Variants in EDC3 observed in about 807,000 individuals in gnomAD.
The protein encoded by EDC3 is enhancer of mRNA-decapping protein 3.
Under a neutral mutation model 41.8 loss-of-function variants are expected in EDC3, and 20 were observed. That is an observed-to-expected ratio of 0.48 (90% CI 0.34 to 0.70). The LOEUF (loss-of-function observed/expected upper bound fraction) is 0.70, where lower values mean the gene tolerates loss of function less well. Ranked by LOEUF, EDC3 falls within the 30% of genes least tolerant of loss-of-function variation. EDC3 has a pLI of 0.01. For missense variants in EDC3, 444 were observed against 636.8 expected (o/e 0.70, Z 3.26); for synonymous variants, 206 against 243.2 (o/e 0.85, Z 1.42).
At chr15:74,636,700 T>G (rs2062277764) in intron 5 of EDC3, 1 of 152,242 alleles carries the variant, frequency 6.6e-6, no homozygotes, top group South Asian at 2.1e-4. Flanking sequence ...AGGAGCTTCA[T>G]AACTGCCCCC....
rs2062264550 is a variant in EDC3 at position 74,635,709 on chromosome 15, C to T, written c.975-83G>A. 6 of 1,279,418 alleles carry T rather than the reference C, an allele frequency of 4.7e-6. No homozygotes were observed. The Admixed American group carries it at 1.2e-4, about 27-fold the overall frequency. The allele number at this position is 1,279,418 out of a possible 1,614,324, so 79.3% of individuals were successfully genotyped here. ...TATACCAGACAATTGCCTGTAGCAC[C>T]TATTGGTCTCAGATCTCTTACCCAC... On this transcript the variant is annotated intron_variant, in intron 5 of 6. Transcript: ENST00000315127.
intron 4 of EDC3, 38 bp downstream of exon 4, chr15:74,655,695 A>C (rs1191703631): frequency 1.9e-6 from 3 of 1,556,630 alleles, no homozygotes; most frequent in Non-Finnish European, 1.7e-6. Flanking sequence ...TAGAAAGGCA[A>C]CAGCAACCAG....
intron 4 of EDC3, among the ~76,000 whole-genome samples, chr15:74,650,852 G>T (rs948901532): frequency 1.3e-5 from 2 of 152,196 alleles, no homozygotes; most frequent in South Asian, 4.2e-4. Context: ...ACAAAAATTT[G>T]CCAGGTGTGG....
Position 74,671,186 on chromosome 15 carries a change from A to AGTAACGTTC in EDC3, c.484+268_484+269insGAACGTTAC, listed in dbSNP as rs2062733866. ...CAGTAGTTCCTGGATTTAAAACATC[A>AGTAACGTTC]CTGTTAGTAAACTCTGGGCAGACTT... On this transcript the variant is annotated intron_variant, in intron 3 of 6. Transcript: ENST00000315127. This position sits in a 1 kb window ranked among gnomAD's most constrained non-coding sequence, Gnocchi z 4.6. Among the ~76,000 whole-genome samples, 1 of 152,170 alleles carries AGTAACGTTC rather than the reference A, an allele frequency of 6.6e-6. No homozygotes were observed.
chr15:74,644,992 C>T (rs1378649254), intron 4 of EDC3: 1 of 152,124 alleles, frequency 6.6e-6, no homozygotes, highest in Admixed American at 6.6e-5. Flanking sequence ...AAAGACACAG[C>T]CCTACCAAAA....
intron 1 of EDC3, among the ~76,000 whole-genome samples, chr15:74,678,817 G>C (rs965968729): frequency 6.6e-6 from 1 of 151,642 alleles, no homozygotes; most frequent in African/African-American, 2.4e-5. Context: ...TTGAAATGGG[G>C]AGGTGGAGGT....
At chr15:74,654,753 G>C (rs1434233557) in intron 4 of EDC3, among the ~76,000 whole-genome samples, 1 of 150,526 alleles carries the variant, frequency 6.6e-6, no homozygotes, top group East Asian at 1.9e-4. Flanking sequence ...ACTATACTCA[G>C]CGAAACCAAA....
chr15:74,656,147 T>G, intron 3 of EDC3, 79 bp from the exon 4 acceptor site: 1 of 1,332,136 alleles, frequency 7.5e-7, no homozygotes, highest in Non-Finnish European at 1.0e-6. Flanking sequence ...TAGTCTTTTG[T>G]GGAGAGTGTT....
At chr15:74,694,670 C>T (rs2063045440) in intron 1 of EDC3, among the ~76,000 whole-genome samples, 1 of 152,154 alleles carries the variant, frequency 6.6e-6, no homozygotes. Flanking sequence ...TGAGTTGCAA[C>T]CAATATTTTT....
At chr15:74,656,444 C>CACA (rs2062549838) in intron 3 of EDC3, among the ~76,000 whole-genome samples, 1 of 147,408 alleles carries the variant, frequency 6.8e-6, no homozygotes, top group African/African-American at 2.5e-5. Context: ...CACACACAAA[C>CACA]AACAACAAAT....
At chr15:74,666,057 G>C (rs973714739) in intron 3 of EDC3, among the ~76,000 whole-genome samples, 2 of 151,864 alleles carry the variant, frequency 1.3e-5, no homozygotes, top group South Asian at 2.1e-4. Context: ...CCCAGCCTCC[G>C]AAAGTGTTAA....
In EDC3 at chr15:74,688,673, C is replaced by G. The variant is rs756330265; in HGVS notation, c.-19+7207G>C. Among the ~76,000 whole-genome samples the G allele has an allele frequency of 4.9e-4, 75 of 152,068 alleles. 1 individual carries two copies. Among genetic ancestry groups the G allele is most frequent in the African/African-American group, 1.7e-3 (71 of 41,498 alleles). ...GTAATCCCAGCACTTTGGGAGGCCA[C>G]GGCGGGTGGATCACTTGAGGTCAAG... On this transcript the variant is annotated intron_variant, in intron 1 of 6. Coordinates refer to ENST00000315127, the MANE Select transcript of EDC3 (RefSeq NM_025083.5).
chr15:74,685,792 T>C (rs1224443889), intron 1 of EDC3, among the ~76,000 whole-genome samples: 3 of 152,104 alleles, frequency 2.0e-5, no homozygotes, highest in Non-Finnish European at 4.4e-5. Flanking sequence ...GAAACACTGG[T>C]TCAGTGTTTT....
intron 2 of EDC3, among the ~76,000 whole-genome samples, chr15:74,672,443 G>A (rs1245368703): frequency 2.0e-5 from 3 of 152,022 alleles, no homozygotes; most frequent in African/African-American, 7.2e-5. Context: ...TTTTGATCTG[G>A]TATATAGAGA....
intron 3 of EDC3, among the ~76,000 whole-genome samples, chr15:74,666,831 A>C (rs1195129150): frequency 6.6e-6 from 1 of 152,210 alleles, no homozygotes; most frequent in East Asian, 1.9e-4. Flanking sequence ...AGTGAGCCTT[A>C]GTGTTTGCAA....
intron 2 of EDC3, 160 bp downstream of exon 2, chr15:74,674,801 G>T: frequency 2.6e-6 from 2 of 784,156 alleles, no homozygotes; most frequent in Non-Finnish European, 4.1e-6. Flanking sequence ...GATTACTTGA[G>T]GCCAGTAGTT....
chr15:74,632,299 A>T lies in EDC3; in HGVS notation c.*313T>A, dbSNP rs916338855. The T allele has an allele frequency of 5.6e-6, 2 of 357,320 alleles. No homozygotes were observed. The highest frequency in any genetic ancestry group is 4.1e-5 in the African/African-American group (2 of 48,318). The allele number at this position is 357,320 out of a possible 1,614,324, so 22.1% of individuals were successfully genotyped here. A position where few individuals can be genotyped will look rare whatever the true frequency, so the allele number is the denominator to read the frequency against. On this transcript the variant is annotated 3_prime_UTR_variant, in exon 7 of 7. Transcript: ENST00000315127. This position sits in a 1 kb window ranked among gnomAD's most constrained non-coding sequence, Gnocchi z 4.0. ...GTGTGTGCCCAGGCCCAGTGGCTGT[A>T]AACCTGAAACACAGTCTTGAGAGCT... is the stretch of plus-strand genomic sequence containing the variant.
Position 74,675,020 on chromosome 15 carries a change from A to C in EDC3, c.105T>G (p.Ile35Met). Residue 35 changes from isoleucine (I) to methionine (M), a missense_variant, in exon 2 of 7, where the codon ATT (isoleucine) becomes ATG (methionine). Physicochemically the swap from Ile to Met is conservative, Grantham distance 10. Around this residue, in one of 3 missense-constraint regions of EDC3, gnomAD observed 200 missense variants for 244.0 expected, o/e 0.82. Coordinates refer to ENST00000315127, the MANE Select transcript of EDC3 (RefSeq NM_025083.5). Reference sequence around the variant, plus strand: ...CATTATGGAAAGGCCGGGTGAGAGAAATGGTCTGGCTGACCTGATCCACAG... The same window carrying C: ...CATTATGGAAAGGCCGGGTGAGAGACATGGTCTGGCTGACCTGATCCACAG... ...VSAVDQVSQT[I>M]SLTRPFHNGV... 2 of 1,614,160 alleles carry C rather than the reference A, an allele frequency of 1.2e-6. No individual in the cohort carries two copies. The highest frequency in any genetic ancestry group is 1.7e-6 in the Non-Finnish European group (2 of 1,180,044).
intron 1 of EDC3, among the ~76,000 whole-genome samples, chr15:74,680,552 TGGTGAAAG>T (rs1275360869): frequency 6.6e-6 from 1 of 152,164 alleles, no homozygotes; most frequent in East Asian, 1.9e-4. Context: ...TTATACTAAA[TGGTGAAAG>T]ACTGAATGCT....
Sources: allele counts gnomAD v4.1 joint callset (sites outside exome capture counted in the v4.1 genomes callset), GRCh38; gene constraint gnomAD v4.1.1; regional missense constraint gnomAD v4.1.1; non-coding constraint Gnocchi (gnomAD v3.1); transcripts MANE v1.5; gene names NCBI Gene and HGNC (gene_info 2026-07-23, HGNC 2026-07-21).